Variants in NRG3 observed in about 807,000 individuals in gnomAD.
The protein encoded by NRG3 is neuregulin 3, also known as pro-neuregulin-3, membrane-bound isoform.
Under a neutral mutation model 66.9 loss-of-function variants are expected in NRG3, and 31 were observed. The observed-to-expected ratio is 0.46, with a 90% CI of 0.35 to 0.63. The LOEUF (loss-of-function observed/expected upper bound fraction) is 0.63, where lower values mean the gene tolerates loss of function less well. NRG3 is among the 20% of genes least tolerant of loss of function. NRG3 has a pLI of 0.00. For synonymous variants in NRG3, 393 were observed against 359.4 expected, an observed-to-expected ratio of 1.09 and a Z score of -1.06; for missense variants, 910 against 878.9, an observed-to-expected ratio of 1.04 and a Z score of -0.45.
chr10:82,847,492 T>A (rs74964872), intron 3 of NRG3, among the ~76,000 whole-genome samples: 1,871 of 152,340 alleles, frequency 0.012, 21 homozygotes, highest in Middle Eastern at 0.034. Flanking sequence ...AAGTAACTTA[T>A]CTAAGGTCAA....
At chr10:82,867,816 A>G (rs934439976) in intron 4 of NRG3, among the ~76,000 whole-genome samples, 1 of 152,030 alleles carries the variant, frequency 6.6e-6, no homozygotes, top group African/African-American at 2.4e-5. Flanking sequence ...ACTGAAAATC[A>G]TGGGCATATT....
Position 82,377,497 on chromosome 10 carries a change from A to G in NRG3, c.953+18629A>G, listed in dbSNP as rs145446830. Among the ~76,000 whole-genome samples the G allele has an allele frequency of 5.4e-4, 82 of 152,130 alleles. 1 individual carries two copies. In the East Asian group the frequency reaches 0.014, roughly 25 times the overall value. ...GCGTGAGTTCATCAGCCTGCCCGACAAGGGATAACGTAACATAATACTCAA... is the reference window on the plus strand; with the variant it reads ...GCGTGAGTTCATCAGCCTGCCCGACGAGGGATAACGTAACATAATACTCAA... On this transcript the variant is annotated intron_variant, in intron 2 of 8. Coordinates refer to ENST00000372141, the MANE Select transcript of NRG3 (RefSeq NM_001010848.4).
chr10:82,358,840 A>T lies in NRG3; in HGVS notation c.925A>T (p.Thr309Ser). The change falls in exon 2 of 9, where the codon ACC becomes TCC. Residue 309 changes from threonine to serine, a missense_variant. Physicochemically the swap from Thr to Ser is moderately conservative, Grantham distance 58. Coordinates refer to ENST00000372141, the MANE Select transcript of NRG3 (RefSeq NM_001010848.4). ...LNDGECFVIETLTGSHKHCRC... is the reference protein window; with the variant it reads ...LNDGECFVIESLTGSHKHCRC... ...TGATGGCGAGTGCTTTGTGATCGAA[A>T]CCCTGACCGGATCCCATAAACACTG... 6.2e-7 allele frequency: 1 copy of T among 1,614,160 alleles called. No homozygotes were observed. The highest frequency in any genetic ancestry group is 8.5e-7 in the Non-Finnish European group (1 of 1,180,030).
At chr10:82,372,068 C>T (rs901626253) in intron 2 of NRG3, among the ~76,000 whole-genome samples, 1 of 152,162 alleles carries the variant, frequency 6.6e-6, no homozygotes, top group Non-Finnish European at 1.5e-5. Flanking sequence ...AATCAGTGCT[C>T]ATGAAGCCAG....
intron 1 of NRG3, among the ~76,000 whole-genome samples, chr10:82,333,152 A>G (rs551581724): frequency 1.3e-5 from 2 of 152,264 alleles, no homozygotes; most frequent in East Asian, 3.9e-4. Context: ...CTGTCTTTTT[A>G]TTCTATATTC....
chr10:82,719,582 T>C (rs1363396171), intron 2 of NRG3, among the ~76,000 whole-genome samples: 1 of 152,170 alleles, frequency 6.6e-6, no homozygotes, highest in Non-Finnish European at 1.5e-5. Flanking sequence ...CTTTCTGTTT[T>C]GTCTGTTTTT....
intron 7 of NRG3, among the ~76,000 whole-genome samples, chr10:82,974,475 A>C (rs1852060306): frequency 6.6e-6 from 1 of 152,188 alleles, no homozygotes. Flanking sequence ...AGCATTCTAA[A>C]GCTTAACTTG....
intron 2 of NRG3, among the ~76,000 whole-genome samples, chr10:82,360,720 A>T (rs560993612): frequency 6.6e-6 from 1 of 152,230 alleles, no homozygotes; most frequent in African/African-American, 2.4e-5. Context: ...CCCGGAGGTC[A>T]GAATTCCAAG....
At chr10:82,612,467 A>T (rs1035175069) in intron 2 of NRG3, among the ~76,000 whole-genome samples, 5 of 152,132 alleles carry the variant, frequency 3.3e-5, no homozygotes, top group African/African-American at 1.2e-4. Flanking sequence ...TCCCCAAAAT[A>T]ACAATATTAT....
intron 2 of NRG3, among the ~76,000 whole-genome samples, chr10:82,399,464 C>G (rs1337727242): frequency 6.6e-6 from 1 of 152,150 alleles, no homozygotes; most frequent in Non-Finnish European, 1.5e-5. Context: ...GAATATTATG[C>G]ATTGGGTAGT....
intron 2 of NRG3, among the ~76,000 whole-genome samples, chr10:82,401,566 T>C (rs568337028): frequency 2.6e-5 from 4 of 152,106 alleles, no homozygotes; most frequent in Non-Finnish European, 2.9e-5. Context: ...TTCCCTTCTC[T>C]TACATGAGGG....
rs150227261 is a variant in NRG3 at position 82,961,898 on chromosome 10, A to G, written c.1284+2823A>G. Reference sequence around the variant, plus strand: ...TCATCCTTGGAAAGGAAAATTTCCTACTTGCTTACCATATCAGGCAAATCT... The same window carrying G: ...TCATCCTTGGAAAGGAAAATTTCCTGCTTGCTTACCATATCAGGCAAATCT... On this transcript the variant is annotated intron_variant, in intron 6 of 8. Coordinates refer to ENST00000372141, the MANE Select transcript of NRG3 (RefSeq NM_001010848.4). Among the ~76,000 whole-genome samples, 46 of 152,282 alleles carry G rather than the reference A, an allele frequency of 3.0e-4. No individual in the cohort carries two copies. The East Asian group carries it at 8.1e-3, about 27-fold the overall frequency.
chr10:82,323,077 T>C (rs2081661420), intron 1 of NRG3, among the ~76,000 whole-genome samples: 3 of 152,200 alleles, frequency 2.0e-5, no homozygotes. Context: ...AAATAGGAAT[T>C]ACTGTGGGAA....
At chr10:82,333,127 A>C (rs2135294661) in intron 1 of NRG3, among the ~76,000 whole-genome samples, 1 of 152,014 alleles carries the variant, frequency 6.6e-6, no homozygotes, top group South Asian at 2.1e-4. Context: ...TATGTTTATT[A>C]ATCAAGATCT....
At chr10:82,223,275 T>A (rs1448071870) in intron 1 of NRG3, among the ~76,000 whole-genome samples, 3 of 152,094 alleles carry the variant, frequency 2.0e-5, no homozygotes, top group Admixed American at 1.3e-4. Flanking sequence ...AGAACATGGA[T>A]AAAGCTGAGA....
intron 4 of NRG3, among the ~76,000 whole-genome samples, chr10:82,947,999 A>G (rs1426198898): frequency 6.6e-6 from 1 of 152,090 alleles, no homozygotes; most frequent in Non-Finnish European, 1.5e-5. Context: ...TGCCAAATCC[A>G]TGGCACTAAG....
At position 82,114,027 on chromosome 10, in the gene NRG3, G is replaced by A. The variant is rs181108157; in HGVS notation, c.823+237864G>A. ...CTCTAGGCAACCACTAATCTACTTT[G>A]TCTGTCTATCAGTCTCCCTGCTCTG... On this transcript the variant is annotated intron_variant, in intron 1 of 8. Transcript: ENST00000372141. Among the ~76,000 whole-genome samples, 601 of 152,154 alleles carry A rather than the reference G, an allele frequency of 3.9e-3. 2 individuals carry two copies. Among genetic ancestry groups the A allele is most frequent in the African/African-American group, 0.014 (573 of 41,504 alleles).
At chr10:81,976,764 C>T (rs2060139713) in intron 1 of NRG3, among the ~76,000 whole-genome samples, 1 of 152,118 alleles carries the variant, frequency 6.6e-6, no homozygotes, top group South Asian at 2.1e-4. Flanking sequence ...TTATTTCTTT[C>T]TTGGATGTGA....
intron 3 of NRG3, among the ~76,000 whole-genome samples, chr10:82,751,723 G>T (rs1049629014): frequency 9.2e-5 from 14 of 152,056 alleles, no homozygotes; most frequent in African/African-American, 3.4e-4. Flanking sequence ...CCTAGATGAA[G>T]AACATCATCA....
Sources: allele counts gnomAD v4.1 joint callset (sites outside exome capture counted in the v4.1 genomes callset), GRCh38; gene constraint gnomAD v4.1.1; transcripts MANE v1.5; gene names NCBI Gene and HGNC (gene_info 2026-07-23, HGNC 2026-07-21).